GALNT13: variants seen among roughly 807,000 people sequenced by gnomAD.
The protein encoded by GALNT13 is polypeptide N-acetylgalactosaminyltransferase 13, also known as UDP-GalNAc:polypeptide N-acetylgalactosaminyltransferase 13.
In GALNT13, 28 loss-of-function variants were observed where a neutral mutation model predicts 64.2. That is an observed-to-expected ratio of 0.44 (90% CI 0.32 to 0.60). The LOEUF (loss-of-function observed/expected upper bound fraction) is 0.60. Ranked by LOEUF, GALNT13 falls within the 20% of genes least tolerant of loss-of-function variation. The pLI is 0.05. For missense variants in GALNT13, 577 were observed against 669.8 expected, an observed-to-expected ratio of 0.86 and a Z score of 1.53; for synonymous variants, 214 against 224.6, an observed-to-expected ratio of 0.95 and a Z score of 0.42.
At chr2:154,304,044 G>A (rs1402733482) in intron 9 of GALNT13, among the ~76,000 whole-genome samples, 3 of 152,136 alleles carry the variant, frequency 2.0e-5, no homozygotes, top group South Asian at 2.1e-4. Context: ...TTGATCCACC[G>A]CGCCCGCAAA....
At chr2:153,984,760 T>C (rs1694683966) in intron 3 of GALNT13, among the ~76,000 whole-genome samples, 1 of 151,970 alleles carries the variant, frequency 6.6e-6, no homozygotes, top group South Asian at 2.1e-4. Context: ...GTTCTACATA[T>C]TCCTGATGCT....
the GALNT13 span, among the ~76,000 whole-genome samples, chr2:153,094,431 A>G: frequency 6.6e-6 from 1 of 152,226 alleles, no homozygotes; most frequent in South Asian, 2.1e-4. Context: ...ATGGATAGGA[A>G]GAATCAATAT....
the GALNT13 span, among the ~76,000 whole-genome samples, chr2:153,434,050 A>G: frequency 1.3e-5 from 2 of 152,040 alleles, no homozygotes; most frequent in South Asian, 2.1e-4. Flanking sequence ...TCATTGTTCA[A>G]TTCCCACCTA....
rs1350090352 is a variant in GALNT13, at chr2:154,452,493, T to A, written c.*1942T>A. 2.6e-5 allele frequency: 4 copies of A among 152,154 alleles called. No homozygotes were observed. Among genetic ancestry groups the A allele is most frequent in the Non-Finnish European group, 1.5e-5 (1 of 68,024 alleles). 9.4% of individuals were successfully genotyped at this position (152,154 alleles called of 1,614,324 possible). On this transcript the variant is annotated 3_prime_UTR_variant, in exon 13 of 13. Transcript: ENST00000392825. Reference sequence around the variant, plus strand: ...AAAAGCTTCAACTCTCAAGGACTCATGTATACCATATGTTCCACTTATTGC... The same window carrying A: ...AAAAGCTTCAACTCTCAAGGACTCAAGTATACCATATGTTCCACTTATTGC...
At chr2:154,360,857 G>C (rs753599269) in intron 9 of GALNT13, among the ~76,000 whole-genome samples, 3 of 152,002 alleles carry the variant, frequency 2.0e-5, no homozygotes, top group Non-Finnish European at 4.4e-5. Flanking sequence ...GGAAGGATGA[G>C]ATTAATCCAG....
rs1264643484 is a variant in GALNT13, at chr2:154,052,881, C to G, written c.143-87456C>G. On this transcript the variant is annotated intron_variant, in intron 3 of 12. Coordinates refer to ENST00000392825, the MANE Select transcript of GALNT13 (RefSeq NM_052917.4). ...CCTCCCTAGTAGCTGGGACTACAGG[C>G]GCCCGCCACCATGCCCGGCTAATTT... Among the ~76,000 whole-genome samples, 4 of 151,928 alleles carry G rather than the reference C, an allele frequency of 2.6e-5. No homozygotes were observed. The South Asian group carries it at 8.3e-4, about 32-fold the overall frequency.
the GALNT13 span, among the ~76,000 whole-genome samples, chr2:153,587,001 G>A: frequency 2.6e-5 from 4 of 152,052 alleles, no homozygotes; most frequent in Admixed American, 2.6e-4. Flanking sequence ...GGAGTCTGAG[G>A]CAGATGGATC....
At chr2:154,349,200 T>C (rs1696247105) in intron 9 of GALNT13, among the ~76,000 whole-genome samples, 1 of 152,132 alleles carries the variant, frequency 6.6e-6, no homozygotes, top group African/African-American at 2.4e-5. Context: ...AGCCTAAGGA[T>C]CTACATTTGA....
Position 154,376,277 on chromosome 2 carries a change from AT to A in GALNT13, c.1157-19710del, listed in dbSNP as rs535165272. ...ATCTCATCTTCATTAGAGTCTGCCT[AT>A]TTTGAGTTCAGCTACTTCTATTTAA... On this transcript the variant is annotated intron_variant, in intron 9 of 12. Transcript: ENST00000392825. Among the ~76,000 whole-genome samples, 13 of 152,212 alleles carry A rather than the reference AT, an allele frequency of 8.5e-5. No homozygotes were observed. In the South Asian group the frequency reaches 2.7e-3, roughly 32 times the overall value.
At chr2:153,674,073 C>T in the GALNT13 span, among the ~76,000 whole-genome samples, 1 of 152,120 alleles carries the variant, frequency 6.6e-6, no homozygotes, top group Non-Finnish European at 1.5e-5. Flanking sequence ...AATGGAAGAA[C>T]ATTCTATGCT....
the GALNT13 span, among the ~76,000 whole-genome samples, chr2:153,652,766 G>C: frequency 8.5e-5 from 13 of 152,080 alleles, no homozygotes; most frequent in Admixed American, 5.2e-4. Flanking sequence ...ATTCTTTCTA[G>C]TTCCTTCACC....
At chr2:154,301,955 G>C (rs949265308) in intron 9 of GALNT13, among the ~76,000 whole-genome samples, 1 of 151,818 alleles carries the variant, frequency 6.6e-6, no homozygotes, top group African/African-American at 2.4e-5. Flanking sequence ...AAATTATGCA[G>C]ATATTTAAAT....
chr2:154,427,387 T>C (rs1396269192), intron 11 of GALNT13, among the ~76,000 whole-genome samples: 1 of 152,150 alleles, frequency 6.6e-6, no homozygotes, highest in Non-Finnish European at 1.5e-5. Context: ...AAGAGAGTGC[T>C]AAATGAAAAA....
At chr2:153,866,862 T>C in the GALNT13 span, among the ~76,000 whole-genome samples, 1 of 152,208 alleles carries the variant, frequency 6.6e-6, no homozygotes, top group African/African-American at 2.4e-5. Flanking sequence ...TGCACAAGTA[T>C]AGGTGAGAAA....
intron 3 of GALNT13, among the ~76,000 whole-genome samples, chr2:154,133,758 C>T (rs1393244646): frequency 2.0e-5 from 3 of 151,246 alleles, no homozygotes; most frequent in East Asian, 1.9e-4. Flanking sequence ...CACAATGCTT[C>T]GGGGAGTTTC....
At chr2:153,788,928 C>G in the GALNT13 span, among the ~76,000 whole-genome samples, 2 of 152,186 alleles carry the variant, frequency 1.3e-5, no homozygotes, top group Admixed American at 6.5e-5. Context: ...GCACCCAACA[C>G]GAGATCACCC....
rs192633048 is a variant in GALNT13, at chr2:153,976,258, C to T, written c.142+31619C>T. 1.1e-3 allele frequency among the ~76,000 whole-genome samples: 173 copies of T among 150,624 alleles called. 2 individuals carry two copies. The highest frequency in any genetic ancestry group is 1.4e-3 in the Admixed American group (22 of 15,208). On this transcript the variant is annotated intron_variant, in intron 3 of 12. Coordinates refer to ENST00000392825, the MANE Select transcript of GALNT13 (RefSeq NM_052917.4). ...TGGAACATAATGGGTACTCAATAAT[C>T]AATCAATTAATTAATTAATCAATCT...
intron 3 of GALNT13, among the ~76,000 whole-genome samples, chr2:154,062,459 A>G (rs1173710372): frequency 6.6e-6 from 1 of 152,156 alleles, no homozygotes; most frequent in East Asian, 1.9e-4. Flanking sequence ...CTGAGACTGG[A>G]TAATTGACTC....
intron 9 of GALNT13, among the ~76,000 whole-genome samples, chr2:154,368,480 G>GT (rs1261269195): frequency 6.6e-6 from 1 of 152,114 alleles, no homozygotes; most frequent in African/African-American, 2.4e-5. Context: ...AAATGTCTCC[G>GT]TAATATTACC....
Sources: gnomAD v4.1 joint callset for allele counts (sites outside exome capture counted in the v4.1 genomes callset) on GRCh38, gnomAD v4.1.1 for gene constraint, MANE v1.5 for transcripts, NCBI Gene and HGNC (gene_info 2026-07-23, HGNC 2026-07-21) for gene names.